The following HIBCH variants were observed in gnomAD, a reference collection of about 807,000 sequenced individuals.
HIBCH encodes the protein 3-hydroxyisobutyryl-CoA hydrolase, mitochondrial.
Under a neutral mutation model 58.2 loss-of-function variants are expected in HIBCH, and 50 were observed. The ratio of observed to expected loss-of-function variants is 0.86; its 90% CI spans 0.68 to 1.09. HIBCH has a LOEUF of 1.09. Ranked by LOEUF, HIBCH falls within the 50% of genes least tolerant of loss-of-function variation. The probability of loss-of-function intolerance (pLI) is 0.00; values close to 1 mark genes in which losing one functional copy is unlikely to be tolerated. For missense variants in HIBCH, 450 were observed against 449.7 expected, an observed-to-expected ratio of 1.00 and a Z score of -0.01; for synonymous variants, 151 against 146.9, an observed-to-expected ratio of 1.03 and a Z score of -0.20.
rs1053862086 is a variant in HIBCH, at chr2:190,197,093, G to A, written c.*18-7096C>T. Among the ~76,000 whole-genome samples the A allele has an allele frequency of 1.3e-5, 2 of 152,088 alleles. No individual in the cohort carries two copies. The highest frequency in any genetic ancestry group is 4.8e-5 in the African/African-American group (2 of 41,396). ...GAACTCTCTGGGGTCTCTTTTATGA[G>A]AGCACTAAAACTCTAATATCATCAC... On this transcript the variant is annotated intron_variant, in intron 1 of 1. Coordinates refer to the HIBCH transcript ENST00000399855. The surrounding 1 kb of genome is among the most constrained non-coding windows in gnomAD (Gnocchi z 4.0).
chr2:190,242,793 T>G (rs188851471), intron 11 of HIBCH, among the ~76,000 whole-genome samples: 44 of 152,320 alleles, frequency 2.9e-4, no homozygotes, highest in Middle Eastern at 6.8e-3. Context: ...TGCATATACT[T>G]GTACTAAGAA....
At chr2:190,221,974 C>T (rs1685731807) in intron 11 of HIBCH, among the ~76,000 whole-genome samples, 1 of 152,186 alleles carries the variant, frequency 6.6e-6, no homozygotes, top group South Asian at 2.1e-4. Flanking sequence ...GACCTCATTC[C>T]CCCTGGATGT....
At position 190,243,720 on chromosome 2, in the gene HIBCH, C is replaced by T. The variant is rs1686518189; in HGVS notation, c.891+1167G>A. 6.6e-6 allele frequency among the ~76,000 whole-genome samples: 1 copy of T among 152,178 alleles called. No homozygotes were observed. The highest frequency in any genetic ancestry group is 6.5e-5 in the Admixed American group (1 of 15,276). On this transcript the variant is annotated intron_variant, in intron 11 of 13. Transcript: ENST00000359678. This position sits in a 1 kb window ranked among gnomAD's most constrained non-coding sequence, Gnocchi z 4.1. The stretch of plus-strand genomic sequence containing the variant: ...TGGTGGCTCACACCTGTAATCCCAG[C>T]ACTTTGGGAAGCTGAGGTGGGTGAA...
chr2:190,213,138 G>T, intron 11 of HIBCH, 63 bp from the exon 12 acceptor site: 1 of 1,241,430 alleles, frequency 8.1e-7, no homozygotes, highest in South Asian at 1.2e-5. Context: ...ATAATAAATG[G>T]GCAGAGTGTC....
chr2:190,255,405 T>C (rs1157631206), intron 7 of HIBCH, among the ~76,000 whole-genome samples: 2 of 152,224 alleles, frequency 1.3e-5, no homozygotes, highest in Non-Finnish European at 2.9e-5. Context: ...ACATCTCAGC[T>C]TAAAGGACAA....
chr2:190,237,531 G>A (rs1686311020), intron 11 of HIBCH, among the ~76,000 whole-genome samples: 1 of 152,138 alleles, frequency 6.6e-6, no homozygotes, highest in South Asian at 2.1e-4. Flanking sequence ...AAGCATTTGT[G>A]TGGACTCGTG....
At chr2:190,270,270 T>G (rs1687356404) in intron 6 of HIBCH, among the ~76,000 whole-genome samples, 1 of 141,734 alleles carries the variant, frequency 7.1e-6, no homozygotes, top group African/African-American at 2.8e-5. Context: ...TATTACACCT[T>G]TTTTTTTTTT....
chr2:190,261,031 TA>T (rs1235804288), intron 7 of HIBCH, 124 bp downstream of exon 7: 4 of 737,850 alleles, frequency 5.4e-6, no homozygotes, highest in Non-Finnish European at 9.3e-6. Context: ...ATTTCTTTTT[TA>T]AAATCCTTTC....
At chr2:190,260,821 C>G (rs1482544805) in intron 7 of HIBCH, among the ~76,000 whole-genome samples, 2 of 152,084 alleles carry the variant, frequency 1.3e-5, no homozygotes, top group Non-Finnish European at 2.9e-5. Flanking sequence ...AAAATTAACT[C>G]AGAAGTGTCA....
At chr2:190,319,413 A>G (rs1688789472) in intron 1 of HIBCH, among the ~76,000 whole-genome samples, 1 of 152,224 alleles carries the variant, frequency 6.6e-6, no homozygotes, top group African/African-American at 2.4e-5. Flanking sequence ...CCCAGACTGC[A>G]CCCAACTTTT....
intron 11 of HIBCH, among the ~76,000 whole-genome samples, chr2:190,238,607 T>C (rs1011084594): frequency 1.1e-4 from 16 of 152,062 alleles, no homozygotes; most frequent in African/African-American, 3.9e-4. Context: ...TGGGATTATA[T>C]ATGCACTCTA....
At chr2:190,233,781 A>C (rs1267905131) in intron 11 of HIBCH, among the ~76,000 whole-genome samples, 1 of 152,260 alleles carries the variant, frequency 6.6e-6, no homozygotes, top group African/African-American at 2.4e-5. Context: ...GCTCAACTTC[A>C]TTAATCAACA....
In HIBCH at chr2:190,306,502, T is replaced by C. The variant is rs968359982; in HGVS notation, c.78+4252A>G. Reference sequence around the variant, plus strand: ...TACTAAAACCAGCAGGTTTCCCAAATTGCATGACAGTTGTACTGTCATGCA... The same window carrying C: ...TACTAAAACCAGCAGGTTTCCCAAACTGCATGACAGTTGTACTGTCATGCA... On this transcript the variant is annotated intron_variant, in intron 2 of 13. Coordinates refer to ENST00000359678, the MANE Select transcript of HIBCH (RefSeq NM_014362.4). This position sits in a 1 kb window ranked among gnomAD's most constrained non-coding sequence, Gnocchi z 4.6. 6.6e-6 allele frequency among the ~76,000 whole-genome samples: 1 copy of C among 152,130 alleles called. No individual in the cohort carries two copies. Among genetic ancestry groups the C allele is most frequent in the Non-Finnish European group, 1.5e-5 (1 of 68,016 alleles).
intron 6 of HIBCH, among the ~76,000 whole-genome samples, chr2:190,271,462 G>T (rs1019556918): frequency 4.0e-5 from 6 of 151,354 alleles, no homozygotes; most frequent in Non-Finnish European, 4.4e-5. Flanking sequence ...GCTAATTTTT[G>T]TTATTTTCAG....
At chr2:190,198,722 A>ATCAG (rs386392138) in intron 1 of HIBCH, among the ~76,000 whole-genome samples, 1 of 151,772 alleles carries the variant, frequency 6.6e-6, no homozygotes, top group Non-Finnish European at 1.5e-5. Flanking sequence ...CTAAGATACA[A>ATCAG]TCAGGGACCA....
chr2:190,234,444 T>C (rs1686202451), intron 11 of HIBCH, among the ~76,000 whole-genome samples: 1 of 152,190 alleles, frequency 6.6e-6, no homozygotes, highest in Non-Finnish European at 1.5e-5. Context: ...TGAACTGCAA[T>C]ACATCAAACA....
At chr2:190,227,211 G>A (rs1685932824) in intron 11 of HIBCH, among the ~76,000 whole-genome samples, 1 of 152,148 alleles carries the variant, frequency 6.6e-6, no homozygotes, top group South Asian at 2.1e-4. Flanking sequence ...AAACAGCATG[G>A]TACTGGTACC....
chr2:190,267,074 T>C (rs1173548749), intron 6 of HIBCH, among the ~76,000 whole-genome samples: 1 of 151,578 alleles, frequency 6.6e-6, no homozygotes, highest in Non-Finnish European at 1.5e-5. Flanking sequence ...GTCATTTTTA[T>C]TTTTATTATT....
At chr2:190,294,445 TAA>T in intron 4 of HIBCH, 99 bp downstream of exon 4, 1 of 836,090 alleles carries the variant, frequency 1.2e-6, no homozygotes, top group Non-Finnish European at 2.0e-6. Flanking sequence ...TAAAAAGTTC[TAA>T]AAAGTAAAGC....
Sources: gnomAD v4.1 joint callset for allele counts (sites outside exome capture counted in the v4.1 genomes callset) on GRCh38, gnomAD v4.1.1 for gene constraint, Gnocchi (gnomAD v3.1) non-coding constraint, MANE v1.5 for transcripts, NCBI Gene and HGNC (gene_info 2026-07-23, HGNC 2026-07-21) for gene names.